NFIB: variants seen among roughly 807,000 people sequenced by gnomAD.
NFIB encodes the protein nuclear factor I B, also known as nuclear factor 1 B-type.
A neutral mutation model predicts 61.5 loss-of-function variants in NFIB; 11 were observed. That is an observed-to-expected ratio of 0.18 (90% CI 0.11 to 0.30). The LOEUF is 0.30. Ranked by LOEUF, NFIB falls within the 10% of genes least tolerant of loss-of-function variation. NFIB has a pLI of 1.00. For missense variants in NFIB, 471 were observed against 608.9 expected (o/e 0.77, Z 2.38); for synonymous variants, 260 against 216.5 (o/e 1.20, Z -1.76).
chr9:14,352,310 T>A (rs1166210367), intron 1 of NFIB, among the ~76,000 whole-genome samples: 2 of 152,000 alleles, frequency 1.3e-5, no homozygotes, highest in Non-Finnish European at 2.9e-5. Context: ...TTATCATTAT[T>A]TTATGAGTGT....
chr9:14,121,256 T>TCAAA (rs776581199), intron 7 of NFIB, among the ~76,000 whole-genome samples: 10 of 152,102 alleles, frequency 6.6e-5, no homozygotes, highest in Non-Finnish European at 1.3e-4. Context: ...GAACCCCATC[T>TCAAA]CAAACAAACA....
At chr9:14,166,730 T>A (rs2044833989) in intron 3 of NFIB, among the ~76,000 whole-genome samples, 1 of 152,188 alleles carries the variant, frequency 6.6e-6, no homozygotes, top group African/African-American at 2.4e-5. Flanking sequence ...TCTCATCATC[T>A]TAACCTCTGT....
At chr9:14,410,856 A>G in the NFIB span, among the ~76,000 whole-genome samples, 1 of 152,146 alleles carries the variant, frequency 6.6e-6, no homozygotes, top group Non-Finnish European at 1.5e-5. Context: ...TAAAATTCAG[A>G]CTCATTCATT....
At chr9:14,210,401 A>T (rs1284897834) in intron 2 of NFIB, among the ~76,000 whole-genome samples, 1 of 152,170 alleles carries the variant, frequency 6.6e-6, no homozygotes, top group Non-Finnish European at 1.5e-5. Context: ...TCAAAACTTT[A>T]AAAATAACGA....
rs146324103 is a variant in NFIB, at chr9:14,302,965, T to C, written c.562+4024A>G. Among the ~76,000 whole-genome samples, 4 of 152,116 alleles carry C rather than the reference T, an allele frequency of 2.6e-5. No individual in the cohort carries two copies. The East Asian group carries it at 7.7e-4, about 29-fold the overall frequency. On this transcript the variant is annotated intron_variant, in intron 2 of 10. Coordinates refer to ENST00000380953, the MANE Select transcript of NFIB (RefSeq NM_001190737.2). ...AACCAAAATTATTTTAGGCTTTTGG[T>C]TGATTTTCCCAGTGTACAAAATTGT...
the NFIB span, among the ~76,000 whole-genome samples, chr9:14,468,509 C>A: frequency 6.6e-5 from 10 of 152,110 alleles, no homozygotes; most frequent in African/African-American, 1.9e-4. Flanking sequence ...AGTGGGTATT[C>A]CATTTGGCTT....
At chr9:14,181,371 T>C (rs1412276932) in intron 2 of NFIB, among the ~76,000 whole-genome samples, 1 of 152,204 alleles carries the variant, frequency 6.6e-6, no homozygotes, top group East Asian at 1.9e-4. Context: ...AAATGACCAT[T>C]CTTCATCTGG....
intron 1 of NFIB, among the ~76,000 whole-genome samples, chr9:14,353,441 T>A (rs1405624755): frequency 6.6e-6 from 1 of 151,950 alleles, no homozygotes; most frequent in Non-Finnish European, 1.5e-5. Flanking sequence ...GCGGGGGAGC[T>A]CCTGGAGAGG....
chr9:14,228,554 T>C (rs866248519), intron 2 of NFIB, among the ~76,000 whole-genome samples: 1 of 152,162 alleles, frequency 6.6e-6, no homozygotes, highest in Non-Finnish European at 1.5e-5. Flanking sequence ...AAAGCCACAC[T>C]CCATTTTAGT....
At chr9:14,134,781 C>T (rs1322704785) in intron 6 of NFIB, among the ~76,000 whole-genome samples, 1 of 151,246 alleles carries the variant, frequency 6.6e-6, no homozygotes, top group Admixed American at 6.6e-5. Context: ...TCTGTAATAC[C>T]AGCTACTGGG....
intron 1 of NFIB, among the ~76,000 whole-genome samples, chr9:14,340,606 G>A (rs2060938497): frequency 6.6e-6 from 1 of 152,182 alleles, no homozygotes; most frequent in African/African-American, 2.4e-5. Context: ...CATACAGAAT[G>A]GCTGTAACTT....
At chr9:14,339,669 G>GCA (rs1360842390) in intron 1 of NFIB, among the ~76,000 whole-genome samples, 1 of 152,088 alleles carries the variant, frequency 6.6e-6, no homozygotes, top group African/African-American at 2.4e-5. Flanking sequence ...ACTGACCCCA[G>GCA]CAGCAATCCA....
At chr9:14,463,124 T>G in the NFIB span, among the ~76,000 whole-genome samples, 3 of 145,598 alleles carry the variant, frequency 2.1e-5, no homozygotes, top group African/African-American at 5.1e-5. Context: ...TTCAATTAAA[T>G]AATTAAATCA....
At position 14,313,443 on chromosome 9, in the gene NFIB, G is replaced by C; in HGVS notation, c.30+39C>G. On this transcript the variant is annotated intron_variant, in intron 1 of 10. Transcript: ENST00000380953. The surrounding 1 kb of genome is among the most constrained non-coding windows in gnomAD (Gnocchi z 4.5). ...ACAAAACAAAACAAAGGCATTTCGG[G>C]CCAGAGAGAAAGCTCGAGAAAGCGA... 1 of 1,613,270 alleles carries C rather than the reference G, an allele frequency of 6.2e-7. No homozygotes were observed. The highest frequency in any genetic ancestry group is 8.5e-7 in the Non-Finnish European group (1 of 1,179,560).
upstream of NFIB, among the ~76,000 whole-genome samples, chr9:14,315,747 A>G (rs1166761953): frequency 1.3e-5 from 2 of 150,722 alleles, no homozygotes; most frequent in African/African-American, 2.4e-5. Context: ...CCCCGCCCAC[A>G]TACACACACC....
At chr9:14,265,451 G>A (rs1005216181) in intron 2 of NFIB, among the ~76,000 whole-genome samples, 5 of 152,264 alleles carry the variant, frequency 3.3e-5, no homozygotes, top group East Asian at 1.9e-4. Context: ...TGCTTGCTCC[G>A]TCTCTGCCAT....
the NFIB span, among the ~76,000 whole-genome samples, chr9:14,448,573 T>C: frequency 6.6e-6 from 1 of 152,284 alleles, no homozygotes; most frequent in East Asian, 1.9e-4. Context: ...TATCAAAGGA[T>C]TTTAATGAAT....
At chr9:14,193,797 C>A (rs2048205119) in intron 2 of NFIB, among the ~76,000 whole-genome samples, 2 of 152,078 alleles carry the variant, frequency 1.3e-5, no homozygotes, top group South Asian at 4.2e-4. Context: ...AGATAACAGC[C>A]CGGCTAGAGG....
At chr9:14,484,736 A>T in the NFIB span, among the ~76,000 whole-genome samples, 1 of 152,132 alleles carries the variant, frequency 6.6e-6, no homozygotes, top group Admixed American at 6.6e-5. Context: ...AATACGCCAG[A>T]CTCCATTCAG....
Sources: allele counts gnomAD v4.1 joint callset (sites outside exome capture counted in the v4.1 genomes callset), GRCh38; gene constraint gnomAD v4.1.1; non-coding constraint Gnocchi (gnomAD v3.1); transcripts MANE v1.5; gene names NCBI Gene and HGNC (gene_info 2026-07-23, HGNC 2026-07-21).